Variants in NPLOC4 observed in about 807,000 individuals in gnomAD.
NPLOC4 encodes NPL4 homolog, ubiquitin recognition factor.
Under a neutral mutation model 80.6 loss-of-function variants are expected in NPLOC4, and 18 were observed. The ratio of observed to expected loss-of-function variants is 0.22; its 90% CI spans 0.15 to 0.33. The LOEUF (loss-of-function observed/expected upper bound fraction) is 0.33, where lower values mean the gene tolerates loss of function less well. Ranked by LOEUF, NPLOC4 falls within the 10% of genes least tolerant of loss-of-function variation. NPLOC4 has a pLI of 1.00. For synonymous variants in NPLOC4, 313 were observed against 301.5 expected, an observed-to-expected ratio of 1.04 and a Z score of -0.39; for missense variants, 540 against 786.1, an observed-to-expected ratio of 0.69 and a Z score of 3.74.
intron 3 of NPLOC4, among the ~76,000 whole-genome samples, chr17:81,616,837 G>A (rs978947091): frequency 2.0e-5 from 3 of 152,128 alleles, no homozygotes; most frequent in East Asian, 1.9e-4. Flanking sequence ...TTATGAGACC[G>A]AATATCAACC....
intron 13 of NPLOC4, among the ~76,000 whole-genome samples, chr17:81,571,363 G>GT (rs1320286590): frequency 6.6e-6 from 1 of 152,166 alleles, no homozygotes; most frequent in East Asian, 1.9e-4. Context: ...GTGGCCAATG[G>GT]TACAGCCATG....
At chr17:81,575,346 C>G (rs2034270162) in intron 12 of NPLOC4, among the ~76,000 whole-genome samples, 1 of 152,224 alleles carries the variant, frequency 6.6e-6, no homozygotes, top group Admixed American at 6.5e-5. Flanking sequence ...CATGATCCAC[C>G]CGCCTTGGCC....
intron 14 of NPLOC4, among the ~76,000 whole-genome samples, chr17:81,568,288 A>G (rs2034068522): frequency 1.3e-5 from 2 of 152,200 alleles, no homozygotes; most frequent in Non-Finnish European, 2.9e-5. Flanking sequence ...GTGATGCAGC[A>G]CGGACATCTT....
At chr17:81,634,227 T>A (rs1177316190) in intron 1 of NPLOC4, among the ~76,000 whole-genome samples, 3 of 151,892 alleles carry the variant, frequency 2.0e-5, no homozygotes, top group Non-Finnish European at 4.4e-5. Context: ...TGGTCTCAAC[T>A]CCTGACCTCA....
At chr17:81,601,726 A>G (rs1002072687) in intron 8 of NPLOC4, among the ~76,000 whole-genome samples, 18 of 152,164 alleles carry the variant, frequency 1.2e-4, no homozygotes, top group Non-Finnish European at 2.6e-4. Flanking sequence ...GTCTCTTTTT[A>G]AAAGAACCAT....
intron 14 of NPLOC4, 35 bp downstream of exon 14, chr17:81,568,981 A>C (rs774917355): frequency 1.6e-6 from 2 of 1,279,986 alleles, no homozygotes; most frequent in South Asian, 2.4e-5. Context: ...ATCAGCAGTT[A>C]CCTTAAATTA....
At chr17:81,607,992 G>A (rs1267751508) in intron 6 of NPLOC4, among the ~76,000 whole-genome samples, 1 of 152,200 alleles carries the variant, frequency 6.6e-6, no homozygotes, top group African/African-American at 2.4e-5. Context: ...GGTGTACAGA[G>A]AGCCAACAGG....
chr17:81,623,777 G>A (rs922018985), intron 2 of NPLOC4, among the ~76,000 whole-genome samples: 48 of 148,560 alleles, frequency 3.2e-4, no homozygotes, highest in Non-Finnish European at 5.6e-4. Context: ...CAGCCAGGAC[G>A]ACAGAGCGAG....
At chr17:81,601,413 A>G (rs1598653745) in intron 8 of NPLOC4, among the ~76,000 whole-genome samples, 2 of 152,364 alleles carry the variant, frequency 1.3e-5, no homozygotes, top group South Asian at 2.1e-4. Context: ...CATAAGCTGC[A>G]TAAGCAAATT....
At chr17:81,570,293 G>A (rs1160339034) in intron 13 of NPLOC4, among the ~76,000 whole-genome samples, 3 of 152,210 alleles carry the variant, frequency 2.0e-5, no homozygotes, top group Non-Finnish European at 4.4e-5. Context: ...GAAGATGATC[G>A]GAGTACTCGC....
chr17:81,592,622 C>T (rs1457368497), intron 11 of NPLOC4, among the ~76,000 whole-genome samples: 1 of 152,088 alleles, frequency 6.6e-6, no homozygotes, highest in Non-Finnish European at 1.5e-5. Context: ...GGTGGTAGCC[C>T]CCAAGTTAGA....
intron 3 of NPLOC4, among the ~76,000 whole-genome samples, chr17:81,617,663 C>CCCCCCCCCCCCCCCCCT (rs2035536057): frequency 3.0e-5 from 4 of 134,132 alleles, no homozygotes; most frequent in African/African-American, 5.8e-5. Context: ...CAAAAAATGC[C>CCCCCCCCCCCCCCCCCT]CCCCCTCCCC....
intron 11 of NPLOC4, among the ~76,000 whole-genome samples, chr17:81,595,391 G>T (rs1304198668): frequency 7.2e-6 from 1 of 139,768 alleles, no homozygotes; most frequent in Admixed American, 7.4e-5. Flanking sequence ...CCGAGATTGC[G>T]CCACTGCACT....
chr17:81,617,458 G>A (rs546717218), intron 3 of NPLOC4, among the ~76,000 whole-genome samples: 1 of 152,226 alleles, frequency 6.6e-6, no homozygotes, highest in Non-Finnish European at 1.5e-5. Flanking sequence ...CAGATCACCT[G>A]AGGTTAGGAG....
At chr17:81,587,245 G>A (rs12953229) in intron 12 of NPLOC4, among the ~76,000 whole-genome samples, 40,053 of 152,204 alleles carry the variant, frequency 0.26, 6,425 homozygotes, top group Non-Finnish European at 0.36. Context: ...AGGCTGAGGC[G>A]GGAGGACTGC....
At position 81,606,777 on chromosome 17, in the gene NPLOC4, T is replaced by C. The variant is rs2035215554; in HGVS notation, c.568A>G (p.Ile190Val). ...AGGTGCCCCTCGCACCCTGACTTAA[T>C]CTTGCAGCTGATGTTCTCCAGGGCA... is the stretch of plus-strand genomic sequence containing the variant. ...FVALENISCK[I>V]KSGCEGHLPW... The change falls in exon 7 of 17, where the codon ATT (isoleucine) becomes GTT (valine). Residue 190 changes from isoleucine to valine, a missense_variant. Physicochemically the swap from Ile to Val is conservative, Grantham distance 29 (BLOSUM62 3). This residue lies in a region of NPLOC4 where 61 missense variants were observed against 156.7 expected (regional missense o/e 0.39). Transcript: ENST00000331134. The C allele has an allele frequency of 6.2e-7, 1 of 1,613,614 alleles. No individual in the cohort carries two copies. The highest frequency in any genetic ancestry group is 1.7e-5 in the Admixed American group (1 of 59,958).
At chr17:81,606,981 TAC>T (rs2035220273) in intron 6 of NPLOC4, among the ~76,000 whole-genome samples, 167 bp from the exon 7 acceptor site, 1 of 152,218 alleles carries the variant, frequency 6.6e-6, no homozygotes, top group Non-Finnish European at 1.5e-5. Flanking sequence ...AAGCTCTACC[TAC>T]AGTTCCAGCA....
chr17:81,588,377 T>G (rs572289723), intron 12 of NPLOC4, among the ~76,000 whole-genome samples: 2 of 152,186 alleles, frequency 1.3e-5, no homozygotes, highest in African/African-American at 4.8e-5. Context: ...CCCCTATCCT[T>G]GAGACAGGGT....
intron 16 of NPLOC4, among the ~76,000 whole-genome samples, chr17:81,559,703 G>T (rs887269657): frequency 5.3e-5 from 8 of 151,026 alleles, no homozygotes; most frequent in African/African-American, 1.5e-4. Flanking sequence ...CTCCCCGGGG[G>T]ATGTGCATTT....
Sources: allele counts gnomAD v4.1 joint callset (sites outside exome capture counted in the v4.1 genomes callset), GRCh38; gene constraint gnomAD v4.1.1; regional missense constraint gnomAD v4.1.1; transcripts MANE v1.5; gene names NCBI Gene and HGNC (gene_info 2026-07-23, HGNC 2026-07-21).